PIAS3: variants seen among roughly 807,000 people sequenced by gnomAD.
PIAS3 encodes the protein E3 SUMO-protein ligase PIAS3.
In PIAS3, 34 loss-of-function variants were observed where a neutral mutation model predicts 67.6. The ratio of observed to expected loss-of-function variants is 0.50; its 90% confidence interval spans 0.38 to 0.67. The LOEUF (loss-of-function observed/expected upper bound fraction) is 0.67. Among genes scored for constraint, PIAS3 ranks in the 30% least tolerant of loss-of-function variants. The pLI is 0.00. For synonymous variants in PIAS3, 341 were observed against 313.8 expected, an observed-to-expected ratio of 1.09 and a Z score of -0.92; for missense variants, 693 against 791.6, an observed-to-expected ratio of 0.88 and a Z score of 1.49.
At chr1:145,856,474 C>A (rs1653190903) in intron 2 of PIAS3, 43 bp from the exon 3 acceptor site, 1 of 1,603,676 alleles carries the variant, frequency 6.2e-7, no homozygotes, top group East Asian at 2.2e-5. Flanking sequence ...CATGCACAGG[C>A]AGCCACAGAA....
intron 9 of PIAS3, chr1:145,851,436 A>G: frequency 3.2e-6 from 1 of 314,924 alleles, no homozygotes; most frequent in East Asian, 6.3e-5. Context: ...CAGGTGAATC[A>G]CTTGAGGCTG....
intron 2 of PIAS3, 29 bp downstream of exon 2, chr1:145,856,559 AG>A (rs782044740): frequency 6.3e-7 from 1 of 1,582,724 alleles, no homozygotes; most frequent in African/African-American, 1.3e-5. Context: ...TAGGGAGTCC[AG>A]AAGACTAAGG....
In PIAS3 at chr1:145,850,813, G is replaced by T; in HGVS notation, c.1406C>A (p.Ser469Tyr). 1 of 1,614,270 alleles carries T rather than the reference G, an allele frequency of 6.2e-7. No homozygotes were observed. The highest frequency in any genetic ancestry group is 8.5e-7 in the Non-Finnish European group (1 of 1,180,046). ...EDLPPTKKHC[S>Y]VTSAAIPALP... is the part of the protein sequence containing the mutation. ...GGCCGGGATGGCAGCTGAGGTGACA[G>T]AACAGTGCTTCTTGGTAGGGGGCAG... The change falls in exon 11 of 14, where the codon TCT becomes TAT. Residue 469 changes from serine to tyrosine, a missense_variant. By Grantham distance (144) the Ser-to-Tyr change is moderately radical (BLOSUM62 -2). Transcript: ENST00000393045.
rs782161627 is a variant in PIAS3, at chr1:145,854,574, G to A, written c.805-11C>T. ...AGACAAGGAGTAATTCTACTTGGAGGCAGGGGGTAGACAATTAGCCTCTGC... is the reference window on the plus strand; with the variant it reads ...AGACAAGGAGTAATTCTACTTGGAGACAGGGGGTAGACAATTAGCCTCTGC... On this transcript the variant is annotated splice_polypyrimidine_tract_variant and intron_variant, in intron 6 of 13. Coordinates refer to ENST00000393045, the MANE Select transcript of PIAS3 (RefSeq NM_006099.3). 1 of 1,602,268 alleles carries A rather than the reference G, an allele frequency of 6.2e-7. No individual in the cohort carries two copies. The highest frequency in any genetic ancestry group is 8.6e-7 in the Non-Finnish European group (1 of 1,169,184).
At chr1:145,855,421 G>A (rs1015114804) in intron 5 of PIAS3, among the ~76,000 whole-genome samples, 34 of 152,028 alleles carry the variant, frequency 2.2e-4, no homozygotes, top group African/African-American at 8.2e-4. Context: ...GGCAGAGGTT[G>A]CAGTGAGCAG....
Position 145,857,022 on chromosome 1 carries a change from G to A in PIAS3, c.25-16C>T, listed in dbSNP as rs1559165581. 6.2e-7 allele frequency: 1 copy of A among 1,610,850 alleles called. No homozygotes were observed. The highest frequency in any genetic ancestry group is 8.5e-7 in the Non-Finnish European group (1 of 1,177,744). On this transcript the variant is annotated splice_polypyrimidine_tract_variant and intron_variant, in intron 1 of 13. Coordinates refer to ENST00000393045, the MANE Select transcript of PIAS3 (RefSeq NM_006099.3). ...TCACCATGTGCTGTGGAGAAAAACA[G>A]AGAAGCTTGAGCATCCTCCCTTGCA...
rs146959096 is a variant in PIAS3, at chr1:145,849,732, T to G, written c.1621-20A>C. ...ATAGTGCTAGGAAGAATCAAGGGCA[T>G]AGTTTAAGATCTCAATCCCGACTTC... is the stretch of plus-strand genomic sequence containing the variant. On this transcript the variant is annotated intron_variant, in intron 13 of 13. Transcript: ENST00000393045. 6.4e-7 allele frequency: 1 copy of G among 1,554,962 alleles called. No homozygotes were observed. The highest frequency in any genetic ancestry group is 1.4e-5 in the African/African-American group (1 of 72,432).
At position 145,854,555 on chromosome 1, in the gene PIAS3, G is replaced by C. The variant is rs781805232; in HGVS notation, c.813C>G (p.Ser271=). The C allele has an allele frequency of 6.2e-7, 1 of 1,613,144 alleles. No individual in the cohort carries two copies. Among genetic ancestry groups the C allele is most frequent in the South Asian group, 1.1e-5 (1 of 91,060 alleles). ...NWSSEFGRNY[S]LSVYLVRQLT... ...ACTGCCTCACCAGGTACACAGACAAGGAGTAATTCTACTTGGAGGCAGGGG... is the reference window on the plus strand; with the variant it reads ...ACTGCCTCACCAGGTACACAGACAACGAGTAATTCTACTTGGAGGCAGGGG... The change falls in exon 7 of 14, where the codon TCC becomes TCG. Residue 271 remains serine (S), a synonymous_variant. Coordinates refer to ENST00000393045, the MANE Select transcript of PIAS3 (RefSeq NM_006099.3).
intron 5 of PIAS3, 38 bp downstream of exon 5, chr1:145,855,698 G>T: frequency 1.9e-6 from 2 of 1,057,928 alleles, no homozygotes; most frequent in Non-Finnish European, 2.9e-6. Flanking sequence ...AACTGAAACG[G>T]TAAGGGATTA....
intron 9 of PIAS3, 69 bp downstream of exon 9, chr1:145,853,431 AAAAG>A: frequency 8.0e-7 from 1 of 1,248,064 alleles, no homozygotes; most frequent in Non-Finnish European, 1.1e-6. Flanking sequence ...AAAGAAAAGA[AAAAG>A]AAAAAGAAAT....
At chr1:145,858,844 G>C (rs969625878) in intron 1 of PIAS3, 123 bp downstream of exon 1, 18 of 818,474 alleles carry the variant, frequency 2.2e-5, no homozygotes, top group Non-Finnish European at 3.2e-5. Flanking sequence ...CCCATCCTCA[G>C]CAGCTCGTGC....
chr1:145,848,719 A>AG lies in PIAS3; in HGVS notation c.*726dup, dbSNP rs3832004. 2 of 461,062 alleles carry AG rather than the reference A, an allele frequency of 4.3e-6. No individual in the cohort carries two copies. Among genetic ancestry groups the AG allele is most frequent in the African/African-American group, 4.0e-5 (2 of 50,126 alleles). 28.6% of individuals were successfully genotyped at this position (461,062 alleles called of 1,614,324 possible). On this transcript the variant is annotated 3_prime_UTR_variant, in exon 14 of 14. Transcript: ENST00000393045. ...CAGGGCCATGAGCCTCTAGAAGCTT[A>AG]GGGGGGAATAAGAAACACTGTGAAC...
chr1:145,854,597 T>C (rs1222731935), intron 6 of PIAS3, 34 bp from the exon 7 acceptor site: 1 of 1,577,676 alleles, frequency 6.3e-7, no homozygotes, highest in Non-Finnish European at 8.7e-7. Flanking sequence ...AATTAGCCTC[T>C]GCTTCTCATA....
At chr1:145,854,960 C>G (rs199756395) in intron 5 of PIAS3, 80 bp from the exon 6 acceptor site, 6 of 1,542,044 alleles carry the variant, frequency 3.9e-6, no homozygotes, top group African/African-American at 1.4e-5. Flanking sequence ...TATCTTGTCT[C>G]GGGTTATTCA....
chr1:145,848,596 G>C lies in PIAS3; in HGVS notation c.*850C>G. ...AATAAAAAGTAAAATTACAACATAG[G>C]TCCTAGGCCTTGGCGAGCCTGAAAA... On this transcript the variant is annotated 3_prime_UTR_variant, in exon 14 of 14. Transcript: ENST00000393045. The C allele has an allele frequency of 1.3e-6, 1 of 766,648 alleles. No individual in the cohort carries two copies. Among genetic ancestry groups the C allele is most frequent in the Non-Finnish European group, 2.1e-6 (1 of 465,636 alleles). 47.5% of individuals were successfully genotyped at this position (766,648 alleles called of 1,614,324 possible). A position where few individuals can be genotyped will look rare whatever the true frequency, so the allele number is the denominator to read the frequency against.
intron 3 of PIAS3, 32 bp from the exon 4 acceptor site, chr1:145,856,150 G>C: frequency 6.3e-7 from 1 of 1,594,486 alleles, no homozygotes; most frequent in Non-Finnish European, 8.6e-7. Context: ...AGAGATGTCA[G>C]CATGTAGCCC....
rs1653210551 is a variant in PIAS3, at chr1:145,856,835, G to T, written c.196C>A (p.Pro66Thr). 2 of 1,614,046 alleles carry T rather than the reference G, an allele frequency of 1.2e-6. No homozygotes were observed. Among genetic ancestry groups the T allele is most frequent in the African/African-American group, 1.3e-5 (1 of 74,894 alleles). The change falls in exon 2 of 14, where the codon CCC becomes ACC. Residue 66 changes from proline (P) to threonine (T), a missense_variant. This residue lies in a region of PIAS3 where 308 missense variants were observed against 348.8 expected (regional missense o/e 0.88). Transcript: ENST00000393045. ...KIKELYRRRF[P>T]RKTLGPSDLS... Reference sequence around the variant, plus strand: ...TCAGAGGGCCCCAGGGTCTTCCGGGGAAAGCGTCGTCGGTAAAGCTCTTTG... The same window carrying T: ...TCAGAGGGCCCCAGGGTCTTCCGGGTAAAGCGTCGTCGGTAAAGCTCTTTG...
At chr1:145,854,168 A>AC (rs1405349710) in intron 7 of PIAS3, 1 of 592,402 alleles carries the variant, frequency 1.7e-6, no homozygotes, top group Admixed American at 3.0e-5. Context: ...AGATTAGAGG[A>AC]CCCCTAAGAT....
intron 7 of PIAS3, 141 bp from the exon 8 acceptor site, chr1:145,854,027 A>T: frequency 1.5e-6 from 1 of 673,566 alleles, no homozygotes; most frequent in Non-Finnish European, 2.6e-6. Flanking sequence ...GTCACATGGA[A>T]GTGGTCTGGG....
Sources: allele counts gnomAD v4.1 joint callset (sites outside exome capture counted in the v4.1 genomes callset), GRCh38; gene constraint gnomAD v4.1.1; regional missense constraint gnomAD v4.1.1; transcripts MANE v1.5; gene names NCBI Gene and HGNC (gene_info 2026-07-23, HGNC 2026-07-21).